CTNNA2: variants seen among roughly 807,000 people sequenced by gnomAD.
CTNNA2 encodes the protein catenin alpha 2.
A neutral mutation model predicts 101.0 loss-of-function variants in CTNNA2; 42 were observed. That is an observed-to-expected ratio of 0.42 (90% CI 0.32 to 0.54). The LOEUF is 0.54. CTNNA2 is among the 20% of genes least tolerant of loss of function. The probability of loss-of-function intolerance (pLI) is 0.14; values close to 1 mark genes in which losing one functional copy is unlikely to be tolerated. For synonymous variants in CTNNA2, 450 were observed against 456.4 expected (o/e 0.99, Z 0.18); for missense variants, 871 against 1,223.1 (o/e 0.71, Z 4.29).
At chr2:80,571,826 G>C (rs1694630671) in intron 12 of CTNNA2, among the ~76,000 whole-genome samples, 1 of 152,146 alleles carries the variant, frequency 6.6e-6, no homozygotes, top group African/African-American at 2.4e-5. Flanking sequence ...GGCTGGGGTA[G>C]AGCCTGTAGA....
intron 4 of CTNNA2, among the ~76,000 whole-genome samples, chr2:79,394,391 T>C (rs1217132402): frequency 6.6e-6 from 1 of 152,202 alleles, no homozygotes; most frequent in Non-Finnish European, 1.5e-5. Context: ...AGTAACATCA[T>C]GAAATCAAGC....
At chr2:79,668,959 G>T (rs1425047058) in intron 2 of CTNNA2, among the ~76,000 whole-genome samples, 1 of 152,204 alleles carries the variant, frequency 6.6e-6, no homozygotes, top group Admixed American at 6.5e-5. Flanking sequence ...GGTGGATGTA[G>T]TTTTTGCAAG....
chr2:80,016,852 G>T (rs1385429164), intron 7 of CTNNA2, among the ~76,000 whole-genome samples: 1 of 152,134 alleles, frequency 6.6e-6, no homozygotes, highest in Non-Finnish European at 1.5e-5. Flanking sequence ...TTAATAGGAA[G>T]ACAGTATTCA....
At chr2:80,548,897 A>G (rs1382142881) in intron 11 of CTNNA2, among the ~76,000 whole-genome samples, 3 of 152,214 alleles carry the variant, frequency 2.0e-5, no homozygotes, top group Non-Finnish European at 4.4e-5. Flanking sequence ...TATTTTATGT[A>G]TCAGTTTCTT....
intron 7 of CTNNA2, among the ~76,000 whole-genome samples, chr2:80,130,966 CA>C (rs200904422): frequency 0.064 from 8,998 of 139,910 alleles, 485 homozygotes; most frequent in African/African-American, 0.14. Context: ...ACAGCTATAC[CA>C]AAAAAAAAAA....
At chr2:80,326,905 T>A (rs1311521991) in intron 7 of CTNNA2, among the ~76,000 whole-genome samples, 5 of 152,190 alleles carry the variant, frequency 3.3e-5, no homozygotes, top group Non-Finnish European at 5.9e-5. Context: ...TTTTACACAC[T>A]TTTTCTCAGT....
At chr2:80,451,379 G>A (rs946232263) in intron 9 of CTNNA2, among the ~76,000 whole-genome samples, 3 of 152,066 alleles carry the variant, frequency 2.0e-5, no homozygotes, top group Non-Finnish European at 2.9e-5. Context: ...GTGAAGAAGG[G>A]CATATTTGTT....
intron 7 of CTNNA2, among the ~76,000 whole-genome samples, chr2:79,993,782 C>G (rs1692348308): frequency 6.6e-6 from 1 of 152,148 alleles, no homozygotes; most frequent in Non-Finnish European, 1.5e-5. Flanking sequence ...AGAAGTGGCT[C>G]TGGGGAGCCA....
At chr2:79,848,925 C>A (rs1373898485) in intron 3 of CTNNA2, among the ~76,000 whole-genome samples, 1 of 152,120 alleles carries the variant, frequency 6.6e-6, no homozygotes, top group Non-Finnish European at 1.5e-5. Flanking sequence ...GCAACAATGG[C>A]ACTGAGACCA....
intron 7 of CTNNA2, among the ~76,000 whole-genome samples, chr2:80,097,868 A>G (rs1700261767): frequency 6.6e-6 from 1 of 152,040 alleles, no homozygotes; most frequent in Non-Finnish European, 1.5e-5. Flanking sequence ...AGGTCCTTTA[A>G]GTACTTCTCT....
At chr2:79,620,713 A>G (rs534840765) in intron 1 of CTNNA2, among the ~76,000 whole-genome samples, 59 of 152,298 alleles carry the variant, frequency 3.9e-4, no homozygotes, top group African/African-American at 1.2e-3. Flanking sequence ...CCAGTGCCCA[A>G]ATCAGTTTGA....
chr2:80,235,264 A>T (rs1470085515), intron 7 of CTNNA2, among the ~76,000 whole-genome samples: 2 of 152,362 alleles, frequency 1.3e-5, no homozygotes, highest in South Asian at 4.1e-4. Context: ...AGGGATTTCC[A>T]TAATTAACTC....
At chr2:80,246,243 C>T (rs556375679) in intron 7 of CTNNA2, among the ~76,000 whole-genome samples, 25 of 152,278 alleles carry the variant, frequency 1.6e-4, no homozygotes, top group African/African-American at 5.8e-4. Flanking sequence ...AATGGTCTCA[C>T]AAGAATTTAT....
intron 7 of CTNNA2, among the ~76,000 whole-genome samples, chr2:80,117,455 AGTGTGTGTGTGTGT>A (rs59521287): frequency 1.4e-5 from 2 of 145,882 alleles, no homozygotes; most frequent in Non-Finnish European, 3.0e-5. Flanking sequence ...TTCCTGTGTG[AGTGTGTGTGTGTGT>A]GTGTGTGTGT....
chr2:80,015,481 G>C (rs1214522163), intron 7 of CTNNA2, among the ~76,000 whole-genome samples: 1 of 152,116 alleles, frequency 6.6e-6, no homozygotes, highest in African/African-American at 2.4e-5. Flanking sequence ...GGTACTTACT[G>C]TCTCCAATTA....
chr2:79,719,496 T>G (rs1462532086), intron 2 of CTNNA2, among the ~76,000 whole-genome samples: 10 of 152,214 alleles, frequency 6.6e-5, no homozygotes, highest in Admixed American at 5.9e-4. Flanking sequence ...GTGGCTGAAC[T>G]AATTGATATT....
intron 7 of CTNNA2, among the ~76,000 whole-genome samples, chr2:79,910,903 T>C (rs1685747740): frequency 2.0e-5 from 3 of 151,998 alleles, no homozygotes; most frequent in Admixed American, 2.0e-4. Flanking sequence ...TCCAGAGAAC[T>C]CACTGAGAAA....
chr2:80,302,937 T>C lies in CTNNA2; in HGVS notation c.1057-90274T>C, dbSNP rs76300062. The C allele has an allele frequency of 0.022, 35,905 of 1,613,762 alleles. 569 individuals carry two copies. The highest frequency in any genetic ancestry group is 0.044 in the East Asian group (1,952 of 44,826). On this transcript the variant is annotated intron_variant, in intron 7 of 18. Coordinates refer to ENST00000402739, the MANE Select transcript of CTNNA2 (RefSeq NM_001282597.3). The surrounding 1 kb of genome is among the most constrained non-coding windows in gnomAD (Gnocchi z 6.4). ...CAAGAGTTGAGGATCCGGGGCTCGATGTAGGTGAGGCGGTTGGAGTCCAGC... is the reference window on the plus strand; with the variant it reads ...CAAGAGTTGAGGATCCGGGGCTCGACGTAGGTGAGGCGGTTGGAGTCCAGC...
chr2:79,835,671 T>TTG (rs1370895514), intron 3 of CTNNA2, among the ~76,000 whole-genome samples: 8 of 13,410 alleles, frequency 6.0e-4, no homozygotes, highest in African/African-American at 1.4e-3. Flanking sequence ...TCTTTGTTTT[T>TTG]TTTTTTTTTT....
Sources: allele counts gnomAD v4.1 joint callset (sites outside exome capture counted in the v4.1 genomes callset), GRCh38; gene constraint gnomAD v4.1.1; non-coding constraint Gnocchi (gnomAD v3.1); transcripts MANE v1.5; gene names NCBI Gene and HGNC (gene_info 2026-07-23, HGNC 2026-07-21).